Variants in IMPG1 observed in about 807,000 individuals in gnomAD.
The protein encoded by IMPG1 is interphotoreceptor matrix proteoglycan 1.
Under a neutral mutation model 92.0 loss-of-function variants are expected in IMPG1, and 85 were observed. The ratio of observed to expected loss-of-function variants is 0.92; its 90% CI spans 0.78 to 1.11. IMPG1 has a LOEUF of 1.11. Ranked by LOEUF, IMPG1 falls within the 50% of genes least tolerant of loss-of-function variation. The probability of loss-of-function intolerance (pLI) is 0.00; values close to 1 mark genes in which losing one functional copy is unlikely to be tolerated. For synonymous variants in IMPG1, 367 were observed against 334.1 expected (o/e 1.10, Z -1.08); for missense variants, 1,022 against 956.0 (o/e 1.07, Z -0.91).
intron 14 of IMPG1, among the ~76,000 whole-genome samples, chr6:75,935,765 C>A (rs575147179): frequency 6.6e-6 from 1 of 152,196 alleles, no homozygotes; most frequent in South Asian, 2.1e-4. Context: ...TAATGCAACC[C>A]GTACTGGATT....
At chr6:76,071,106 C>T (rs1381118407) in intron 1 of IMPG1, among the ~76,000 whole-genome samples, 2 of 148,390 alleles carry the variant, frequency 1.3e-5, no homozygotes, top group Admixed American at 1.4e-4. Flanking sequence ...TAATATATTA[C>T]ATATATTAAA....
At position 76,027,868 on chromosome 6, in the gene IMPG1, A is replaced by C. The variant is rs981231442; in HGVS notation, c.498-2610T>G. On this transcript the variant is annotated intron_variant, in intron 4 of 16. Coordinates refer to ENST00000369950, the MANE Select transcript of IMPG1 (RefSeq NM_001563.4). ...ATCTGGAATTATGTTTCATAATATCAAGTGCTTTAGACATATTTAAAAGGC... is the reference window on the plus strand; with the variant it reads ...ATCTGGAATTATGTTTCATAATATCCAGTGCTTTAGACATATTTAAAAGGC... 1.7e-4 allele frequency among the ~76,000 whole-genome samples: 26 copies of C among 152,344 alleles called. No homozygotes were observed. The Middle Eastern group carries it at 0.017, about 100-fold the overall frequency.
intron 16 of IMPG1, among the ~76,000 whole-genome samples, chr6:75,922,484 C>T (rs1028021210): frequency 1.4e-4 from 22 of 152,164 alleles, no homozygotes; most frequent in Non-Finnish European, 2.6e-4. Flanking sequence ...CATGCTTCCT[C>T]AGGGAACCCA....
chr6:75,928,122 C>T (rs143621520), intron 15 of IMPG1, among the ~76,000 whole-genome samples: 37 of 152,240 alleles, frequency 2.4e-4, no homozygotes, highest in African/African-American at 7.7e-4. Context: ...TCACAAAAGC[C>T]GCATGCAACC....
At chr6:75,934,304 A>T (rs1201024989) in intron 14 of IMPG1, among the ~76,000 whole-genome samples, 1 of 152,242 alleles carries the variant, frequency 6.6e-6, no homozygotes, top group East Asian at 1.9e-4. Flanking sequence ...ATGTGACAGC[A>T]ATGAACATGT....
intron 6 of IMPG1, among the ~76,000 whole-genome samples, chr6:76,019,492 T>C (rs1428110883): frequency 6.6e-6 from 1 of 152,206 alleles, no homozygotes; most frequent in Non-Finnish European, 1.5e-5. Flanking sequence ...TTAATGGAAA[T>C]TGCCCTGAGG....
chr6:75,933,122 T>C (rs1781690656), intron 14 of IMPG1, among the ~76,000 whole-genome samples: 1 of 152,188 alleles, frequency 6.6e-6, no homozygotes, highest in South Asian at 2.1e-4. Flanking sequence ...CAACTGAAAA[T>C]GTTTTGTTCT....
chr6:76,041,749 A>T (rs1045688795), intron 2 of IMPG1, 144 bp downstream of exon 2: 152 of 629,284 alleles, frequency 2.4e-4, no homozygotes, highest in Non-Finnish European at 3.5e-4. Flanking sequence ...ATTCATTACT[A>T]TCAGATTATC....
chr6:75,974,379 CTTTCTTTCTTT>C (rs1470709989), intron 12 of IMPG1, among the ~76,000 whole-genome samples: 3 of 87,462 alleles, frequency 3.4e-5, no homozygotes, highest in Non-Finnish European at 6.7e-5. Flanking sequence ...TTCTTTCTTT[CTTTCTTTCTTT>C]CTTTTCTTTC....
In IMPG1 at chr6:75,990,873, T is replaced by C. The variant is rs80094428; in HGVS notation, c.1291+12045A>G. On this transcript the variant is annotated intron_variant, in intron 12 of 16. Coordinates refer to ENST00000369950, the MANE Select transcript of IMPG1 (RefSeq NM_001563.4). ...GTTTCTATCCATGCCCCCCAATCCA[T>C]TACAGATATTCTTTTTATTTCTACC... is the stretch of plus-strand genomic sequence containing the variant. Among the ~76,000 whole-genome samples, 401 of 152,232 alleles carry C rather than the reference T, an allele frequency of 2.6e-3. 4 individuals carry two copies. The highest frequency in any genetic ancestry group is 9.2e-3 in the African/African-American group (384 of 41,538).
chr6:75,967,454 C>T (rs944671718), intron 12 of IMPG1, among the ~76,000 whole-genome samples: 3 of 152,096 alleles, frequency 2.0e-5, no homozygotes, highest in African/African-American at 4.8e-5. Context: ...AAGGTGCCGT[C>T]TGTGAGGCGT....
chr6:76,055,551 AG>A (rs1233403132), intron 1 of IMPG1, among the ~76,000 whole-genome samples: 3 of 36,618 alleles, frequency 8.2e-5, no homozygotes, highest in Admixed American at 2.8e-4. Flanking sequence ...CAAAGATAAC[AG>A]AGAGTAATAA....
chr6:75,967,696 A>C (rs1782330778), intron 12 of IMPG1, among the ~76,000 whole-genome samples: 2 of 152,232 alleles, frequency 1.3e-5, no homozygotes, highest in Non-Finnish European at 2.9e-5. Flanking sequence ...AACAAAAAAC[A>C]TGTGGGTATC....
chr6:75,985,816 T>C (rs1782707405), intron 12 of IMPG1, among the ~76,000 whole-genome samples: 1 of 152,174 alleles, frequency 6.6e-6, no homozygotes, highest in Non-Finnish European at 1.5e-5. Context: ...CTATATGCAC[T>C]TATCAAAATA....
chr6:75,999,521 G>A (rs912960730), intron 12 of IMPG1, among the ~76,000 whole-genome samples: 3 of 152,286 alleles, frequency 2.0e-5, no homozygotes, highest in African/African-American at 7.2e-5. Flanking sequence ...GTTTTATGAG[G>A]GAGGGAAGGC....
chr6:76,036,166 A>C (rs1246842876), intron 2 of IMPG1, among the ~76,000 whole-genome samples: 2 of 152,210 alleles, frequency 1.3e-5, no homozygotes, highest in African/African-American at 4.8e-5. Flanking sequence ...TCAACACCTA[A>C]CTGAAACTAA....
intron 1 of IMPG1, among the ~76,000 whole-genome samples, chr6:76,044,693 C>T (rs911290710): frequency 2.0e-5 from 3 of 149,904 alleles, no homozygotes; most frequent in Non-Finnish European, 4.4e-5. Context: ...TCCAGGCTCG[C>T]TGACAGAGAT....
Position 75,950,636 on chromosome 6 carries a change from T to G in IMPG1, c.1750A>C (p.Met584Leu). The G allele has an allele frequency of 6.2e-7, 1 of 1,613,874 alleles. No individual in the cohort carries two copies. The highest frequency in any genetic ancestry group is 8.5e-7 in the Non-Finnish European group (1 of 1,179,860). The stretch of plus-strand genomic sequence containing the variant: ...TTGAACAGGTCGTTGGAGAAGGCCA[T>G]GTTAGCAACACGCAGACTGAAGAAC... ...VVFFSLRVAN[M>L]AFSNDLFNKS... The change falls in exon 13 of 17, where the codon ATG becomes CTG. Residue 584 changes from methionine to leucine, a missense_variant. By Grantham distance (15) the Met-to-Leu change is conservative (BLOSUM62 2). Coordinates refer to ENST00000369950, the MANE Select transcript of IMPG1 (RefSeq NM_001563.4).
At chr6:75,979,888 G>A (rs889897228) in intron 12 of IMPG1, among the ~76,000 whole-genome samples, 3 of 152,160 alleles carry the variant, frequency 2.0e-5, no homozygotes, top group Non-Finnish European at 2.9e-5. Context: ...CCTTTGTGAG[G>A]CTAATGCTGA....
Sources: allele counts gnomAD v4.1 joint callset (sites outside exome capture counted in the v4.1 genomes callset), GRCh38; gene constraint gnomAD v4.1.1; transcripts MANE v1.5; gene names NCBI Gene and HGNC (gene_info 2026-07-23, HGNC 2026-07-21).